TEKT5: variants seen among roughly 807,000 people sequenced by gnomAD.
The protein encoded by TEKT5 is tektin 5.
TEKT5 carries 52 observed loss-of-function variants against 48.7 expected under a neutral mutation model. That is an observed-to-expected ratio of 1.07 (90% confidence interval 0.86 to 1.35). TEKT5 has a LOEUF of 1.35. TEKT5 is among the 40% of genes most tolerant of loss of function. The pLI, the probability that TEKT5 is intolerant of heterozygous loss-of-function variation, is 0.00. For missense variants in TEKT5, 831 were observed against 641.6 expected, an observed-to-expected ratio of 1.30 and a Z score of -3.19; for synonymous variants, 318 against 267.6, an observed-to-expected ratio of 1.19 and a Z score of -1.84.
intron 6 of TEKT5, among the ~76,000 whole-genome samples, chr16:10,632,869 G>GACACACACACACACACACACAC (rs35503579): frequency 2.0e-4 from 26 of 131,728 alleles, no homozygotes; most frequent in African/African-American, 6.2e-4. Flanking sequence ...CACAGATGCA[G>GACACACACACACACACACACAC]ACACACACAC....
chr16:10,632,043 G>A (rs758005576), intron 6 of TEKT5, among the ~76,000 whole-genome samples: 1 of 152,214 alleles, frequency 6.6e-6, no homozygotes, highest in African/African-American at 2.4e-5. Flanking sequence ...ACTGTGCTCA[G>A]GACCAGAGGA....
chr16:10,638,647 G>C (rs374761953), intron 5 of TEKT5, among the ~76,000 whole-genome samples: 1 of 152,152 alleles, frequency 6.6e-6, no homozygotes, highest in East Asian at 1.9e-4. Flanking sequence ...ATCTTCATGG[G>C]GTCACCTGCT....
At chr16:10,690,461 C>T (rs1898949672) in intron 1 of TEKT5, 1 of 660,148 alleles carries the variant, frequency 1.5e-6, no homozygotes, top group Middle Eastern at 7.5e-4. Context: ...TGCATTTGGG[C>T]AAACTGCTTA....
intron 5 of TEKT5, among the ~76,000 whole-genome samples, chr16:10,637,570 A>G (rs909004751): frequency 3.9e-5 from 6 of 152,226 alleles, no homozygotes; most frequent in African/African-American, 1.2e-4. Flanking sequence ...ACAATTTATG[A>G]AAGTGCAGAT....
chr16:10,650,705 G>C (rs111713434), intron 5 of TEKT5, among the ~76,000 whole-genome samples: 1,565 of 152,038 alleles, frequency 0.01, 29 homozygotes, highest in African/African-American at 0.035. Context: ...CCAACATGGT[G>C]ACACCCCGTC....
At chr16:10,681,711 G>A (rs1009962137) in intron 4 of TEKT5, among the ~76,000 whole-genome samples, 4 of 151,978 alleles carry the variant, frequency 2.6e-5, no homozygotes, top group Non-Finnish European at 5.9e-5. Context: ...GGCAAGGATG[G>A]AAAGATGAAG....
intron 5 of TEKT5, among the ~76,000 whole-genome samples, chr16:10,674,371 C>A (rs141175887): frequency 2.0e-5 from 3 of 152,050 alleles, no homozygotes; most frequent in African/African-American, 7.2e-5. Flanking sequence ...TGGTGGCTCA[C>A]GCCTGTAATC....
chr16:10,690,045 G>C lies in TEKT5; in HGVS notation c.565-20C>G, dbSNP rs769239298. 8.1e-6 allele frequency: 13 copies of C among 1,612,726 alleles called. No homozygotes were observed. Among genetic ancestry groups the C allele is most frequent in the African/African-American group, 2.7e-5 (2 of 74,916 alleles). ...GGCCACCTGTGGGAAGCAGCAGAAAGAACGTATTCTTCCTGTAGCTGTATG... is the reference window on the plus strand; with the variant it reads ...GGCCACCTGTGGGAAGCAGCAGAAACAACGTATTCTTCCTGTAGCTGTATG... On this transcript the variant is annotated intron_variant, in intron 1 of 6. Coordinates refer to ENST00000283025, the MANE Select transcript of TEKT5 (RefSeq NM_144674.2).
At chr16:10,641,190 T>C (rs748973409) in intron 5 of TEKT5, among the ~76,000 whole-genome samples, 5 of 152,226 alleles carry the variant, frequency 3.3e-5, no homozygotes, top group Middle Eastern at 3.2e-3. Context: ...TGGTATATTA[T>C]GGTTTTAATT....
At chr16:10,662,930 A>C (rs1049161163) in intron 5 of TEKT5, among the ~76,000 whole-genome samples, 1 of 152,230 alleles carries the variant, frequency 6.6e-6, no homozygotes. Context: ...TGTTACAGTA[A>C]GTTATCATTT....
intron 1 of TEKT5, among the ~76,000 whole-genome samples, chr16:10,692,375 T>C (rs1898995102): frequency 6.6e-6 from 1 of 152,066 alleles, no homozygotes; most frequent in Non-Finnish European, 1.5e-5. Context: ...ATGCCATGTC[T>C]CCCAGGGAGA....
In TEKT5 at chr16:10,627,813, A is replaced by G. The variant is rs770114924; in HGVS notation, c.1242-14T>C. ...TCGTTCACCAGCCTGGGGTGAGGGC[A>G]GAGGAGAAGGCACAGGTTATTCATT... is the stretch of plus-strand genomic sequence containing the variant. On this transcript the variant is annotated splice_polypyrimidine_tract_variant and intron_variant, in intron 6 of 6. Transcript: ENST00000283025. 3 of 1,610,346 alleles carry G rather than the reference A, an allele frequency of 1.9e-6. No individual in the cohort carries two copies. The Admixed American group carries it at 5.0e-5, about 27-fold the overall frequency.
At chr16:10,648,314 T>A (rs1898101558) in intron 5 of TEKT5, among the ~76,000 whole-genome samples, 1 of 151,894 alleles carries the variant, frequency 6.6e-6, no homozygotes. Context: ...GGCTTTTATT[T>A]TTATTTATCA....
chr16:10,667,044 C>T (rs1190956677), intron 5 of TEKT5, among the ~76,000 whole-genome samples: 1 of 145,694 alleles, frequency 6.9e-6, no homozygotes, highest in Non-Finnish European at 1.5e-5. Flanking sequence ...AGTGCAGTGG[C>T]ACAATCACAG....
In TEKT5 at chr16:10,689,267, A is replaced by C; in HGVS notation, c.705T>G (p.Ile235Met). The C allele has an allele frequency of 6.2e-7, 1 of 1,610,090 alleles. No homozygotes were observed. The highest frequency in any genetic ancestry group is 8.5e-7 in the Non-Finnish European group (1 of 1,179,108). The part of the protein sequence containing the change: ...QEQMRKLAQR[I>M]DIQMRDNRDA... ...AAAGCCCTTACCGCATCTGGATATC[A>C]ATTCTTTGAGCTAATTTTCTCATCT... is the stretch of plus-strand genomic sequence containing the variant. The change falls in exon 3 of 7, where the codon ATT becomes ATG. Residue 235 changes from isoleucine to methionine, a missense_variant. Physicochemically the swap from Ile to Met is conservative, Grantham distance 10. Transcript: ENST00000283025.
chr16:10,675,572 C>T (rs1261947911), intron 5 of TEKT5, among the ~76,000 whole-genome samples: 2 of 152,158 alleles, frequency 1.3e-5, no homozygotes, highest in African/African-American at 2.4e-5. Flanking sequence ...TCAAAGATTA[C>T]ACTTCCAAAG....
intron 5 of TEKT5, among the ~76,000 whole-genome samples, chr16:10,650,609 G>A (rs1898139848): frequency 7.2e-6 from 1 of 138,648 alleles, no homozygotes. Flanking sequence ...ATCTGGCCAG[G>A]TGGGTGGCTC....
intron 5 of TEKT5, among the ~76,000 whole-genome samples, chr16:10,670,079 G>A (rs145555204): frequency 8.5e-5 from 13 of 152,364 alleles, no homozygotes; most frequent in East Asian, 7.7e-4. Context: ...ACGTGGAGCC[G>A]TGTAGATTTG....
In TEKT5 at chr16:10,642,342, C is replaced by A. The variant is rs576455249; in HGVS notation, c.1087-6424G>T. Among the ~76,000 whole-genome samples the A allele has an allele frequency of 5.9e-5, 9 of 152,284 alleles. No individual in the cohort carries two copies. In the South Asian group the frequency reaches 1.7e-3, roughly 28 times the overall value. The stretch of plus-strand genomic sequence containing the variant: ...TCACTGTCCACCAGGCCACAGTACA[C>A]CTGCTCTAATCACCCCAGGCCAGGT... On this transcript the variant is annotated intron_variant, in intron 5 of 6. Coordinates refer to ENST00000283025, the MANE Select transcript of TEKT5 (RefSeq NM_144674.2).
Sources: allele counts gnomAD v4.1 joint callset (sites outside exome capture counted in the v4.1 genomes callset), GRCh38; gene constraint gnomAD v4.1.1; transcripts MANE v1.5; gene names NCBI Gene and HGNC (gene_info 2026-07-23, HGNC 2026-07-21).